The following FREM3 variants were observed in gnomAD, a reference collection of about 807,000 sequenced individuals.
FREM3 encodes FRAS1 related extracellular matrix 3.
A neutral mutation model predicts 129.1 loss-of-function variants in FREM3; 105 were observed. The observed-to-expected ratio is 0.81, with a 90% CI of 0.69 to 0.96. The LOEUF (loss-of-function observed/expected upper bound fraction) is 0.96. FREM3 is among the 40% of genes least tolerant of loss of function. The probability of loss-of-function intolerance (pLI) is 0.00; values close to 1 mark genes in which losing one functional copy is unlikely to be tolerated. For synonymous variants in FREM3, 1,014 were observed against 1,044.9 expected (o/e 0.97, Z 0.57); for missense variants, 2,593 against 2,666.3 (o/e 0.97, Z 0.61).
At chr4:143,658,416 A>G (rs1739638194) in intron 2 of FREM3, among the ~76,000 whole-genome samples, 2 of 152,312 alleles carry the variant, frequency 1.3e-5, no homozygotes, top group South Asian at 4.1e-4. Flanking sequence ...GCCAACTGGG[A>G]AGTCTGGAGA....
At chr4:143,586,672 AC>A (rs1738249580) in intron 6 of FREM3, among the ~76,000 whole-genome samples, 1 of 152,218 alleles carries the variant, frequency 6.6e-6, no homozygotes, top group African/African-American at 2.4e-5. Context: ...AAAGAGGTTG[AC>A]AATGCGAATG....
rs1287003220 is a variant in FREM3 at position 143,696,514 on chromosome 4, T to C, written c.4162A>G (p.Ile1388Val). Residue 1388 changes from isoleucine to valine, a missense_variant, in exon 1 of 8, where the codon ATC (isoleucine) becomes GTC (valine). Coordinates refer to ENST00000329798, the MANE Select transcript of FREM3 (RefSeq NM_001168235.2). ...ACAATCCCTTCTTGGCCTGTGTGGA[T>C]ATAGCAGATGAGGCCTCTGTTAATC... is the stretch of plus-strand genomic sequence containing the variant. Reference protein sequence around the residue: ...DEINRGLICYIHTGQEGIVDI... With the variant: ...DEINRGLICYVHTGQEGIVDI... 2 of 1,537,564 alleles carry C rather than the reference T, an allele frequency of 1.3e-6. No homozygotes were observed. The highest frequency in any genetic ancestry group is 4.9e-5 in the East Asian group (2 of 40,916).
Position 143,577,466 on chromosome 4 carries a change from T to A in FREM3, c.*145A>T. On this transcript the variant is annotated 3_prime_UTR_variant, in exon 8 of 8. Transcript: ENST00000329798. ...TCTATCTCCATGCAGTCATATAAAT[T>A]ACATTTCCACATATCACCAGAATAT... 2 of 730,676 alleles carry A rather than the reference T, an allele frequency of 2.7e-6. No individual in the cohort carries two copies. The highest frequency in any genetic ancestry group is 4.4e-6 in the Non-Finnish European group (2 of 459,550). The allele number at this position is 730,676 out of a possible 1,614,324, so 45.3% of individuals were successfully genotyped here.
At chr4:143,659,517 T>TTG (rs1383477400) in intron 2 of FREM3, among the ~76,000 whole-genome samples, 2 of 152,076 alleles carry the variant, frequency 1.3e-5, no homozygotes, top group Non-Finnish European at 2.9e-5. Flanking sequence ...GTCTTTGCTA[T>TTG]TGTGAATAGT....
intron 2 of FREM3, among the ~76,000 whole-genome samples, chr4:143,632,862 T>C (rs746300770): frequency 2.6e-5 from 4 of 152,124 alleles, no homozygotes; most frequent in Non-Finnish European, 5.9e-5. Context: ...TACGAATTTG[T>C]GTTGAACCAC....
At chr4:143,599,484 A>G (rs1271490992) in intron 6 of FREM3, among the ~76,000 whole-genome samples, 8 of 152,136 alleles carry the variant, frequency 5.3e-5, no homozygotes, top group Admixed American at 3.9e-4. Context: ...TCTGGTCTTA[A>G]TGATTCTGTG....
intron 2 of FREM3, among the ~76,000 whole-genome samples, chr4:143,669,555 T>C (rs1739928520): frequency 1.3e-5 from 2 of 152,086 alleles, no homozygotes; most frequent in African/African-American, 4.8e-5. Context: ...ACTTTGGGAT[T>C]ATAGGCCTGA....
intron 2 of FREM3, among the ~76,000 whole-genome samples, chr4:143,678,149 A>C (rs1740179567): frequency 6.6e-6 from 1 of 152,234 alleles, no homozygotes; most frequent in Non-Finnish European, 1.5e-5. Flanking sequence ...GCCAATGTCC[A>C]ACAATGATAG....
intron 2 of FREM3, among the ~76,000 whole-genome samples, chr4:143,661,217 G>A (rs1361491523): frequency 6.6e-6 from 1 of 152,054 alleles, no homozygotes; most frequent in African/African-American, 2.4e-5. Flanking sequence ...ATTGGCTGTG[G>A]GTTTGTCATA....
At chr4:143,684,423 G>A (rs895991633) in intron 2 of FREM3, among the ~76,000 whole-genome samples, 1 of 152,160 alleles carries the variant, frequency 6.6e-6, no homozygotes, top group South Asian at 2.1e-4. Flanking sequence ...ACTGTAGTTC[G>A]GCTCACAGAA....
chr4:143,605,992 A>T (rs2149838342), intron 6 of FREM3, among the ~76,000 whole-genome samples: 1 of 152,204 alleles, frequency 6.6e-6, no homozygotes, highest in East Asian at 1.9e-4. Context: ...ACATCTGCTC[A>T]GCCTATGAGA....
chr4:143,586,133 C>T (rs1018030947), intron 6 of FREM3, 140 bp from the exon 7 acceptor site: 1 of 769,662 alleles, frequency 1.3e-6, no homozygotes. Context: ...TTATATAGCT[C>T]AGGGAGAACA....
chr4:143,700,340 C>A lies in FREM3; in HGVS notation c.336G>T (p.Pro112=). ...GCCCGAAGGTGCAGGGGAAGCGGCG[C>A]GGGGAGAGCGCGCCCTTGAGCCGCG... ...ALPRLKGALS[P]RRFPCTFGPR... Residue 112 remains proline, a synonymous_variant, in exon 1 of 8, where the codon CCG becomes CCT. Transcript: ENST00000329798. 1.3e-6 allele frequency: 2 copies of A among 1,534,654 alleles called. No individual in the cohort carries two copies. Among genetic ancestry groups the A allele is most frequent in the Non-Finnish European group, 1.7e-6 (2 of 1,145,806 alleles).
At position 143,625,510 on chromosome 4, in the gene FREM3, C is replaced by T. The variant is rs531339441; in HGVS notation, c.5423-1172G>A. On this transcript the variant is annotated intron_variant, in intron 3 of 7. Transcript: ENST00000329798. ...GCCTTTGCAAATCTGCTGAAGAAAGCCTGCATTAATATTAGTTTGGTGACT... is the reference window on the plus strand; with the variant it reads ...GCCTTTGCAAATCTGCTGAAGAAAGTCTGCATTAATATTAGTTTGGTGACT... Among the ~76,000 whole-genome samples, 3 of 152,236 alleles carry T rather than the reference C, an allele frequency of 2.0e-5. No individual in the cohort carries two copies. In the East Asian group the frequency reaches 5.8e-4, roughly 29 times the overall value.
At chr4:143,628,745 G>A (rs1021215646) in intron 2 of FREM3, among the ~76,000 whole-genome samples, 8 of 152,156 alleles carry the variant, frequency 5.3e-5, no homozygotes, top group African/African-American at 1.9e-4. Context: ...AAGGGTATGG[G>A]TATGAGATGG....
intron 6 of FREM3, 142 bp from the exon 7 acceptor site, chr4:143,586,135 G>A: frequency 1.3e-6 from 1 of 765,596 alleles, no homozygotes; most frequent in Non-Finnish European, 2.0e-6. Context: ...ATATAGCTCA[G>A]GGAGAACAAA....
chr4:143,612,046 A>T (rs542877354), intron 5 of FREM3, among the ~76,000 whole-genome samples: 1 of 152,330 alleles, frequency 6.6e-6, no homozygotes, highest in South Asian at 2.1e-4. Flanking sequence ...GGAGTGCAGG[A>T]TTGATTAGAG....
intron 1 of FREM3, among the ~76,000 whole-genome samples, chr4:143,693,499 A>T (rs1256064373): frequency 1.3e-5 from 2 of 152,194 alleles, no homozygotes; most frequent in Non-Finnish European, 1.5e-5. Context: ...CATTGTTGGT[A>T]GGAGTGTAAA....
Position 143,699,743 on chromosome 4 carries a change from G to C in FREM3, c.933C>G (p.Ala311=). ...ENTPPRPSFM[A]TMMMEVDPLV... is the part of the protein sequence containing the mutation. ...GTGGATCCACCTCCATCATCATCGT[G>C]GCCATGAAGCTGGGCCTGGGCGGTG... is the stretch of plus-strand genomic sequence containing the variant. Residue 311 remains alanine (A), a synonymous_variant, in exon 1 of 8, where the codon GCC becomes GCG. Transcript: ENST00000329798. This position sits in a 1 kb window ranked among gnomAD's most constrained non-coding sequence, Gnocchi z 4.2. 1 of 1,519,514 alleles carries C rather than the reference G, an allele frequency of 6.6e-7. No homozygotes were observed. Among genetic ancestry groups the C allele is most frequent in the Non-Finnish European group, 8.8e-7 (1 of 1,136,762 alleles). The allele number at this position is 1,519,514 out of a possible 1,614,324, so 94.1% of individuals were successfully genotyped here.
Sources: gnomAD v4.1 joint callset for allele counts (sites outside exome capture counted in the v4.1 genomes callset) on GRCh38, gnomAD v4.1.1 for gene constraint, Gnocchi (gnomAD v3.1) non-coding constraint, MANE v1.5 for transcripts, NCBI Gene and HGNC (gene_info 2026-07-23, HGNC 2026-07-21) for gene names.